PCSK5: variants seen among roughly 807,000 people sequenced by gnomAD.
PCSK5 encodes prohormone convertase 5.
PCSK5 carries 129 observed loss-of-function variants against 233.2 expected under a neutral mutation model. That is an observed-to-expected ratio of 0.55 (90% confidence interval 0.48 to 0.64). The LOEUF (loss-of-function observed/expected upper bound fraction) is 0.64, where lower values mean the gene tolerates loss of function less well. Ranked by LOEUF, PCSK5 falls within the 30% of genes least tolerant of loss-of-function variation. The probability of loss-of-function intolerance (pLI) is 0.00; values close to 1 mark genes in which losing one functional copy is unlikely to be tolerated. For missense variants in PCSK5, 2,076 were observed against 2,430.1 expected (o/e 0.85, Z 3.06); for synonymous variants, 825 against 879.2 (o/e 0.94, Z 1.09).
intron 5 of PCSK5, among the ~76,000 whole-genome samples, chr9:76,043,268 GGAGCTTGCAGTGAGCC>G (rs1224902349): frequency 6.7e-6 from 1 of 149,480 alleles, no homozygotes; most frequent in Non-Finnish European, 1.5e-5. Context: ...CCCGGGAGGT[GGAGCTTGCAGTGAGCC>G]GAGATTGCAC....
intron 9 of PCSK5, among the ~76,000 whole-genome samples, chr9:76,113,901 T>G (rs1338292512): frequency 6.6e-6 from 1 of 152,138 alleles, no homozygotes; most frequent in Non-Finnish European, 1.5e-5. Context: ...GAGGTAAAAT[T>G]GCAGAGGGCA....
intron 12 of PCSK5, among the ~76,000 whole-genome samples, chr9:76,161,310 C>G (rs191469465): frequency 9.1e-4 from 138 of 152,280 alleles, no homozygotes; most frequent in Middle Eastern, 3.4e-3. Flanking sequence ...CCTCAGCAGG[C>G]CGCCTGCAGG....
intron 2 of PCSK5, among the ~76,000 whole-genome samples, chr9:75,968,398 C>T (rs1287218248): frequency 6.6e-6 from 1 of 152,174 alleles, no homozygotes; most frequent in African/African-American, 2.4e-5. Flanking sequence ...ATTGCACATC[C>T]GTTATCAGTC....
In PCSK5 at chr9:76,321,483, G is replaced by A. The variant is rs886315912; in HGVS notation, c.3946G>A (p.Gly1316Arg). The change falls in exon 31 of 38, where the codon GGA becomes AGA. Residue 1316 changes from glycine to arginine, a missense_variant. By Grantham distance (125) the Gly-to-Arg change is moderately radical. Transcript: ENST00000674117. ...RCSSPCRTCEGNATNCHSCEG... is the reference protein window; with the variant it reads ...RCSSPCRTCERNATNCHSCEG... ...TAGCTCTCCTTGCAGAACATGTGAA[G>A]GAAACGCCACCAACTGCCATTCTTG... The A allele has an allele frequency of 6.2e-7, 1 of 1,612,358 alleles. No individual in the cohort carries two copies. Among genetic ancestry groups the A allele is most frequent in the Non-Finnish European group, 8.5e-7 (1 of 1,179,440 alleles).
intron 1 of PCSK5, among the ~76,000 whole-genome samples, chr9:75,910,973 A>C (rs1309773837): frequency 6.6e-6 from 1 of 152,200 alleles, no homozygotes; most frequent in Non-Finnish European, 1.5e-5. Context: ...AATCCAAAGC[A>C]GCAGATTTTT....
Position 76,107,375 on chromosome 9 carries a change from T to G in PCSK5, c.1208+24T>G, listed in dbSNP as rs753529715. Reference sequence around the variant, plus strand: ...AAGTAAGCCTTGATCTCTATATGTCTTCAATGGTGACAACCCCTGATCTCA... The same window carrying G: ...AAGTAAGCCTTGATCTCTATATGTCGTCAATGGTGACAACCCCTGATCTCA... On this transcript the variant is annotated intron_variant, in intron 9 of 37. Transcript: ENST00000674117. The G allele has an allele frequency of 2.7e-6, 4 of 1,497,942 alleles. No individual in the cohort carries two copies. The Admixed American group carries it at 6.8e-5, about 25-fold the overall frequency. The allele number at this position is 1,497,942 out of a possible 1,614,324, so 92.8% of individuals were successfully genotyped here. A position where few individuals can be genotyped will look rare whatever the true frequency, so the allele number is the denominator to read the frequency against.
intron 24 of PCSK5, among the ~76,000 whole-genome samples, chr9:76,288,622 C>T (rs1160204628): frequency 6.6e-6 from 1 of 152,142 alleles, no homozygotes; most frequent in Non-Finnish European, 1.5e-5. Context: ...CCAGTCTCAC[C>T]CTGTAATTGT....
At chr9:76,273,564 A>AAG (rs1491274072) in intron 24 of PCSK5, among the ~76,000 whole-genome samples, 1 of 74,860 alleles carries the variant, frequency 1.3e-5, no homozygotes, top group Non-Finnish European at 2.6e-5. Flanking sequence ...ACAAAATAGT[A>AAG]ATATATATAT....
At chr9:76,101,067 A>AT (rs1445967811) in intron 8 of PCSK5, among the ~76,000 whole-genome samples, 4 of 151,362 alleles carry the variant, frequency 2.6e-5, no homozygotes, top group East Asian at 1.9e-4. Flanking sequence ...ACCCGGTTCA[A>AT]TTTTTTTTTC....
chr9:76,034,450 T>G (rs1828770708), intron 5 of PCSK5, among the ~76,000 whole-genome samples: 2 of 152,196 alleles, frequency 1.3e-5, no homozygotes, highest in Non-Finnish European at 2.9e-5. Context: ...TACAAGACTC[T>G]TCAGGACCCA....
chr9:76,193,413 G>GAA, intron 20 of PCSK5: 1 of 979,738 alleles, frequency 1.0e-6, no homozygotes, highest in Non-Finnish European at 1.4e-6. Context: ...TTATTAAAAA[G>GAA]AAAAAAGCCA....
chr9:75,967,694 C>T (rs1026286252), intron 2 of PCSK5, among the ~76,000 whole-genome samples: 7 of 152,080 alleles, frequency 4.6e-5, no homozygotes, highest in African/African-American at 1.7e-4. Flanking sequence ...TCCTCTGTTG[C>T]TAAAGACATG....
At chr9:76,246,529 C>T (rs1564132506) in intron 24 of PCSK5, among the ~76,000 whole-genome samples, 1 of 151,996 alleles carries the variant, frequency 6.6e-6, no homozygotes, top group Admixed American at 6.6e-5. Context: ...CAGTATAACA[C>T]AACTCCATAT....
At chr9:76,291,964 C>T (rs576391027) in intron 24 of PCSK5, among the ~76,000 whole-genome samples, 44 of 152,226 alleles carry the variant, frequency 2.9e-4, no homozygotes, top group Admixed American at 1.5e-3. Flanking sequence ...ATCTTTAATT[C>T]GAAGACCCAG....
At chr9:76,082,677 C>A (rs1830891813) in intron 7 of PCSK5, among the ~76,000 whole-genome samples, 1 of 151,686 alleles carries the variant, frequency 6.6e-6, no homozygotes, top group South Asian at 2.1e-4. Context: ...AGAAGACTTA[C>A]TGTAGCACAA....
At chr9:75,914,076 G>A (rs542141323) in intron 1 of PCSK5, among the ~76,000 whole-genome samples, 1 of 152,264 alleles carries the variant, frequency 6.6e-6, no homozygotes, top group South Asian at 2.1e-4. Context: ...AAAAATGAAA[G>A]GCAGTGCAAA....
chr9:76,233,077 AT>A (rs1411204077), intron 21 of PCSK5, among the ~76,000 whole-genome samples: 1 of 152,174 alleles, frequency 6.6e-6, no homozygotes, highest in African/African-American at 2.4e-5. Context: ...AAGGAAGAAT[AT>A]TTTCTCCAAG....
At chr9:76,189,767 C>A (rs762473698) in intron 20 of PCSK5, 21 bp downstream of exon 20, 2 of 1,236,838 alleles carry the variant, frequency 1.6e-6, no homozygotes, top group Non-Finnish European at 2.4e-6. Context: ...CTGCCCATAT[C>A]GATCTTATGA....
Position 76,328,096 on chromosome 9 carries a change from G to A in PCSK5, c.4427G>A (p.Cys1476Tyr), listed in dbSNP as rs1829421555. ...KGLIMNPRGS[C>Y]MANEKCSPSE... Reference sequence around the variant, plus strand: ...CTGATCATGAACCCTCGTGGGAGCTGCATGGCCAACGAGAAGTGCTCACCC... The same window carrying A: ...CTGATCATGAACCCTCGTGGGAGCTACATGGCCAACGAGAAGTGCTCACCC... The change falls in exon 33 of 38, where the codon TGC (cysteine) becomes TAC (tyrosine). Residue 1476 changes from cysteine (C) to tyrosine (Y), a missense_variant. This residue lies in a region of PCSK5 where 1,510 missense variants were observed against 1,538.1 expected (regional missense o/e 0.98). Transcript: ENST00000674117. 1 of 1,612,834 alleles carries A rather than the reference G, an allele frequency of 6.2e-7. No homozygotes were observed. The highest frequency in any genetic ancestry group is 1.1e-5 in the South Asian group (1 of 91,090).
Sources: allele counts gnomAD v4.1 joint callset (sites outside exome capture counted in the v4.1 genomes callset), GRCh38; gene constraint gnomAD v4.1.1; regional missense constraint gnomAD v4.1.1; transcripts MANE v1.5; gene names NCBI Gene and HGNC (gene_info 2026-07-23, HGNC 2026-07-21).